GRM7: variants seen among roughly 807,000 people sequenced by gnomAD.
The protein encoded by GRM7 is glutamate metabotropic receptor 7.
Under a neutral mutation model 84.5 loss-of-function variants are expected in GRM7, and 35 were observed. That is an observed-to-expected ratio of 0.41 (90% CI 0.32 to 0.55). The LOEUF (loss-of-function observed/expected upper bound fraction) is 0.55, where lower values mean the gene tolerates loss of function less well. Among genes scored for constraint, GRM7 ranks in the 20% least tolerant of loss-of-function variants. The pLI, the probability that GRM7 is intolerant of heterozygous loss-of-function variation, is 0.19. For synonymous variants in GRM7, 487 were observed against 455.1 expected (o/e 1.07, Z -0.89); for missense variants, 1,003 against 1,194.6 (o/e 0.84, Z 2.36).
At chr3:7,505,675 A>T (rs1402842330) in intron 7 of GRM7, among the ~76,000 whole-genome samples, 3 of 152,192 alleles carry the variant, frequency 2.0e-5, no homozygotes, top group Non-Finnish European at 4.4e-5. Flanking sequence ...TATAGTTTAT[A>T]CCTTCTGAAG....
At chr3:7,149,567 A>C (rs1694214412) in intron 2 of GRM7, among the ~76,000 whole-genome samples, 1 of 152,200 alleles carries the variant, frequency 6.6e-6, no homozygotes, top group African/African-American at 2.4e-5. Context: ...TCACCCTCAC[A>C]AAAGATACAA....
chr3:6,871,228 C>G (rs185946264), intron 1 of GRM7, among the ~76,000 whole-genome samples: 1 of 152,112 alleles, frequency 6.6e-6, no homozygotes, highest in Non-Finnish European at 1.5e-5. Context: ...ATGTTTCTCC[C>G]TGATGTTATA....
chr3:7,574,161 C>CTT (rs3034008), intron 7 of GRM7, among the ~76,000 whole-genome samples: 3 of 133,686 alleles, frequency 2.2e-5, no homozygotes, highest in Non-Finnish European at 3.2e-5. Context: ...CTTAGGCTTG[C>CTT]TTTTTTTTTT....
intron 2 of GRM7, among the ~76,000 whole-genome samples, chr3:7,255,664 G>A (rs1698168286): frequency 6.6e-6 from 1 of 152,196 alleles, no homozygotes; most frequent in African/African-American, 2.4e-5. Flanking sequence ...AAGGCATGGA[G>A]GAGAGAAGTG....
At chr3:6,976,167 G>A (rs1693986716) in intron 1 of GRM7, among the ~76,000 whole-genome samples, 1 of 152,050 alleles carries the variant, frequency 6.6e-6, no homozygotes, top group African/African-American at 2.4e-5. Flanking sequence ...GTAGAAGTTA[G>A]GAACCCATGC....
intron 1 of GRM7, among the ~76,000 whole-genome samples, chr3:7,032,532 T>G (rs1024956912): frequency 6.6e-6 from 1 of 152,186 alleles, no homozygotes; most frequent in Admixed American, 6.5e-5. Context: ...GATCCTCTCT[T>G]CTTCACATCA....
At chr3:7,118,786 C>G (rs2125041850) in intron 1 of GRM7, among the ~76,000 whole-genome samples, 1 of 152,080 alleles carries the variant, frequency 6.6e-6, no homozygotes, top group Non-Finnish European at 1.5e-5. Context: ...TCTGAAAATA[C>G]TGAGAATCAA....
chr3:7,562,369 A>C (rs1694064198), intron 7 of GRM7, among the ~76,000 whole-genome samples: 1 of 152,048 alleles, frequency 6.6e-6, no homozygotes, highest in South Asian at 2.1e-4. Flanking sequence ...AAAGAAAAAA[A>C]AAATACTAGT....
intron 1 of GRM7, among the ~76,000 whole-genome samples, chr3:6,974,793 T>G (rs931593512): frequency 1.1e-4 from 16 of 152,184 alleles, no homozygotes; most frequent in Admixed American, 6.5e-5. Context: ...CTGATTGAAC[T>G]GTGATTTTTA....
chr3:7,323,085 A>T (rs950525151), intron 4 of GRM7, among the ~76,000 whole-genome samples: 5 of 152,110 alleles, frequency 3.3e-5, no homozygotes, highest in Non-Finnish European at 4.4e-5. Flanking sequence ...TGGAGCATGA[A>T]TTGTACAAGA....
At chr3:7,463,446 T>G (rs544875481) in intron 7 of GRM7, among the ~76,000 whole-genome samples, 1 of 152,332 alleles carries the variant, frequency 6.6e-6, no homozygotes, top group African/African-American at 2.4e-5. Flanking sequence ...GTTTGTTTGG[T>G]TTTGGTTTTA....
rs374014133 is a variant in GRM7 at position 7,527,686 on chromosome 3, T to G, written c.1516-50736T>G. The stretch of plus-strand genomic sequence containing the variant: ...TGGGTTTGTCATAAATGACTCATTA[T>G]TTTGAGGAGTGTTCCTTTGATGCCT... On this transcript the variant is annotated intron_variant, in intron 7 of 9. Coordinates refer to ENST00000357716, the MANE Select transcript of GRM7 (RefSeq NM_000844.4). 3.8e-4 allele frequency among the ~76,000 whole-genome samples: 58 copies of G among 152,198 alleles called. 1 individual carries two copies. Among genetic ancestry groups the G allele is most frequent in the African/African-American group, 1.3e-3 (54 of 41,560 alleles).
At chr3:7,267,271 G>A (rs1284250988) in intron 2 of GRM7, among the ~76,000 whole-genome samples, 1 of 152,176 alleles carries the variant, frequency 6.6e-6, no homozygotes, top group Non-Finnish European at 1.5e-5. Context: ...TCTTTGGTTT[G>A]CAAGAACAGA....
chr3:7,083,446 T>A (rs1029755876), intron 1 of GRM7, among the ~76,000 whole-genome samples: 3 of 152,172 alleles, frequency 2.0e-5, no homozygotes, highest in East Asian at 1.9e-4. Flanking sequence ...AAAAACCTCA[T>A]GTGACTCGCT....
At chr3:7,620,081 T>C (rs1213892491) in intron 8 of GRM7, among the ~76,000 whole-genome samples, 1 of 152,130 alleles carries the variant, frequency 6.6e-6, no homozygotes, top group East Asian at 1.9e-4. Context: ...ACGCTGAGTA[T>C]TCACCAATCG....
chr3:7,694,733 A>AAATT (rs1700952912), intron 9 of GRM7, among the ~76,000 whole-genome samples: 1 of 152,294 alleles, frequency 6.6e-6, no homozygotes. Context: ...CATGGTTTAA[A>AAATT]AATTAGTACC....
At chr3:7,693,799 C>A in intron 9 of GRM7, 3 of 649,072 alleles carry the variant, frequency 4.6e-6, no homozygotes, top group Non-Finnish European at 5.5e-6. Context: ...TGAGTTTAGT[C>A]GGGGGTAGTT....
chr3:7,224,008 T>C (rs934501236), intron 2 of GRM7, among the ~76,000 whole-genome samples: 4 of 152,246 alleles, frequency 2.6e-5, no homozygotes, highest in African/African-American at 4.8e-5. Context: ...AAAATACCTA[T>C]TGGAAGTCTC....
chr3:7,713,128 T>TG (rs1405476537), intron 9 of GRM7, among the ~76,000 whole-genome samples: 4 of 130,302 alleles, frequency 3.1e-5, no homozygotes, highest in Admixed American at 7.4e-5. Flanking sequence ...TGTTTTGTTT[T>TG]TTTTTTTTTT....
Sources: allele counts gnomAD v4.1 joint callset (sites outside exome capture counted in the v4.1 genomes callset), GRCh38; gene constraint gnomAD v4.1.1; transcripts MANE v1.5; gene names NCBI Gene and HGNC (gene_info 2026-07-23, HGNC 2026-07-21).